Variants in C10orf67 observed in about 807,000 individuals in gnomAD.
The protein encoded by C10orf67 is chromosome 10 open reading frame 67.
A neutral mutation model predicts 35.6 loss-of-function variants in C10orf67; 60 were observed. The ratio of observed to expected loss-of-function variants is 1.68; its 90% CI spans 1.37 to 2.09. The LOEUF is 2.09. C10orf67 is among the 30% of genes most tolerant of loss of function. The pLI, the probability that C10orf67 is intolerant of heterozygous loss-of-function variation, is 0.00. For synonymous variants in C10orf67, 167 were observed against 115.8 expected, an observed-to-expected ratio of 1.44 and a Z score of -2.84; for missense variants, 474 against 330.2, an observed-to-expected ratio of 1.44 and a Z score of -3.38.
chr10:23,303,375 C>T lies in C10orf67; in HGVS notation c.631G>A (p.Glu211Lys). The change falls in exon 5 of 16, where the codon GAG becomes AAG. Residue 211 changes from glutamate to lysine, a missense_variant. Physicochemically the swap from Glu to Lys is moderately conservative, Grantham distance 56 (BLOSUM62 1). Coordinates refer to ENST00000636213, the MANE Select transcript of C10orf67 (RefSeq NM_001371909.1). ...AATTCTTTAATAACTTCTTCTTTCT[C>T]TTTCAGTTTTCTTAACAAAATATTT... ...KTNILLRKLK[E>K]KEEVIKELKE... 1.5e-6 allele frequency: 1 copy of T among 647,706 alleles called. No homozygotes were observed. Among genetic ancestry groups the T allele is most frequent in the South Asian group, 2.0e-5 (1 of 50,138 alleles). The allele number at this position is 647,706 out of a possible 1,614,324, so 40.1% of individuals were successfully genotyped here.
At chr10:23,310,239 G>C (rs1342067192) in intron 4 of C10orf67, among the ~76,000 whole-genome samples, 2 of 152,146 alleles carry the variant, frequency 1.3e-5, no homozygotes, top group Admixed American at 1.3e-4. Context: ...GAAAGAAAAT[G>C]GGAAGAAAGC....
chr10:23,316,046 A>C (rs756196039), intron 4 of C10orf67, among the ~76,000 whole-genome samples: 7 of 148,804 alleles, frequency 4.7e-5, no homozygotes, highest in Non-Finnish European at 1.0e-4. Context: ...CTTTTGCCTG[A>C]GTTTTGCCCA....
At chr10:23,228,173 T>C (rs1273114087) in intron 13 of C10orf67, among the ~76,000 whole-genome samples, 1 of 152,158 alleles carries the variant, frequency 6.6e-6, no homozygotes, top group African/African-American at 2.4e-5. Context: ...GGCATCACAC[T>C]ACCTGACTTC....
At chr10:23,237,828 A>T (rs1450558776) in intron 13 of C10orf67, among the ~76,000 whole-genome samples, 2 of 152,220 alleles carry the variant, frequency 1.3e-5, no homozygotes, top group African/African-American at 2.4e-5. Context: ...GCTTGCAGGG[A>T]TGATGGAAAT....
intron 2 of C10orf67, among the ~76,000 whole-genome samples, chr10:23,331,198 G>T (rs1454206287): frequency 2.2e-4 from 1 of 4,508 alleles, no homozygotes; most frequent in Non-Finnish European, 4.3e-4. Context: ...GGGAAGGGAA[G>T]GGAAGGGAAG....
chr10:23,321,656 C>A (rs892209633), intron 3 of C10orf67, among the ~76,000 whole-genome samples: 5 of 152,186 alleles, frequency 3.3e-5, no homozygotes, highest in African/African-American at 1.2e-4. Context: ...TCCATTTTAA[C>A]ATTTTGAGAG....
intron 1 of C10orf67, among the ~76,000 whole-genome samples, chr10:23,335,103 G>A (rs1436586677): frequency 6.6e-6 from 1 of 151,408 alleles, no homozygotes. Context: ...GACAAGAATA[G>A]CTTGAACCTG....
chr10:23,304,145 G>A (rs570349799), intron 4 of C10orf67, among the ~76,000 whole-genome samples: 3 of 152,324 alleles, frequency 2.0e-5, no homozygotes, highest in African/African-American at 7.2e-5. Flanking sequence ...TTTGAGACCA[G>A]TCCTGCCTGC....
chr10:23,284,430 C>T (rs1262824066), intron 7 of C10orf67, among the ~76,000 whole-genome samples: 3 of 151,886 alleles, frequency 2.0e-5, no homozygotes, highest in African/African-American at 7.3e-5. Context: ...CGCCTATGAT[C>T]CCAGCACTTT....
chr10:23,319,347 T>C (rs1188089266), intron 4 of C10orf67, among the ~76,000 whole-genome samples: 1 of 152,234 alleles, frequency 6.6e-6, no homozygotes, highest in Non-Finnish European at 1.5e-5. Context: ...TATTATTTTT[T>C]ATGGCTGTGT....
chr10:23,254,320 G>A (rs1004409167), intron 10 of C10orf67, among the ~76,000 whole-genome samples: 8 of 152,096 alleles, frequency 5.3e-5, no homozygotes, highest in African/African-American at 1.9e-4. Flanking sequence ...CAATTCTCCT[G>A]CCTCAACTTC....
At chr10:23,317,670 A>G (rs1844781587) in intron 4 of C10orf67, 1 of 152,230 alleles carries the variant, frequency 6.6e-6, no homozygotes, top group Non-Finnish European at 1.5e-5. Context: ...AAGAGTCTAT[A>G]GAAAACTTAT....
chr10:23,338,500 C>G (rs1845769446), intron 1 of C10orf67, among the ~76,000 whole-genome samples: 2 of 152,148 alleles, frequency 1.3e-5, no homozygotes, highest in Admixed American at 1.3e-4. Context: ...ATTTGCATTC[C>G]CTGACTATAC....
At chr10:23,304,746 A>C (rs944201860) in intron 4 of C10orf67, among the ~76,000 whole-genome samples, 1 of 152,106 alleles carries the variant, frequency 6.6e-6, no homozygotes, top group Non-Finnish European at 1.5e-5. Flanking sequence ...CAGGAACACT[A>C]CAAGGGACCT....
chr10:23,343,113 T>G (rs1845970502), intron 1 of C10orf67, among the ~76,000 whole-genome samples: 1 of 152,156 alleles, frequency 6.6e-6, no homozygotes, highest in Non-Finnish European at 1.5e-5. Context: ...TAAACAAGGA[T>G]CAAGGAATAG....
chr10:23,339,502 T>C (rs1477444842), intron 1 of C10orf67, among the ~76,000 whole-genome samples: 1 of 151,624 alleles, frequency 6.6e-6, no homozygotes, highest in African/African-American at 2.4e-5. Context: ...TTGACCTGTC[T>C]GTACCTTTCA....
At chr10:23,222,803 A>C (rs1416890294) in intron 15 of C10orf67, among the ~76,000 whole-genome samples, 1 of 152,158 alleles carries the variant, frequency 6.6e-6, no homozygotes, top group African/African-American at 2.4e-5. Context: ...CAAACAAACA[A>C]AAATCAGCTG....
intron 8 of C10orf67, among the ~76,000 whole-genome samples, chr10:23,277,250 A>T (rs1843218378): frequency 6.6e-6 from 1 of 152,150 alleles, no homozygotes. Flanking sequence ...CCAAATACTA[A>T]AGAAATTTGC....
chr10:23,283,264 T>C (rs1843424009), intron 7 of C10orf67, among the ~76,000 whole-genome samples: 1 of 152,214 alleles, frequency 6.6e-6, no homozygotes, highest in Non-Finnish European at 1.5e-5. Flanking sequence ...CTTGTTCCCT[T>C]GTGACTTGCC....
Sources: allele counts gnomAD v4.1 joint callset (sites outside exome capture counted in the v4.1 genomes callset), GRCh38; gene constraint gnomAD v4.1.1; transcripts MANE v1.5; gene names NCBI Gene and HGNC (gene_info 2026-07-23, HGNC 2026-07-21).